IGF2R: variants seen among roughly 807,000 people sequenced by gnomAD.
IGF2R encodes insulin like growth factor 2 receptor.
Under a neutral mutation model 270.6 loss-of-function variants are expected in IGF2R, and 91 were observed. That is an observed-to-expected ratio of 0.34 (90% CI 0.28 to 0.40). The LOEUF (loss-of-function observed/expected upper bound fraction) is 0.40, where lower values mean the gene tolerates loss of function less well. IGF2R is among the 10% of genes least tolerant of loss of function. The pLI is 1.00. For synonymous variants in IGF2R, 1,316 were observed against 1,258.9 expected, an observed-to-expected ratio of 1.05 and a Z score of -0.96; for missense variants, 2,805 against 3,188.3, an observed-to-expected ratio of 0.88 and a Z score of 2.90.
At chr6:160,024,444 T>C in intron 4 of IGF2R, 128 bp from the exon 5 acceptor site, 1 of 869,142 alleles carries the variant, frequency 1.2e-6, no homozygotes, top group Non-Finnish European at 1.8e-6. Context: ...CTGAGTTCGT[T>C]ATTAGGGGAC....
chr6:160,081,698 C>T lies in IGF2R; in HGVS notation c.5833+1423C>T, dbSNP rs536415586. On this transcript the variant is annotated intron_variant, in intron 39 of 47. Transcript: ENST00000356956. ...TTAAGAGGCGCCCCTGCCTTCCTCC[C>T]GGGAATGCATTCTTTTCCCAGGGCT... Among the ~76,000 whole-genome samples, 16 of 152,308 alleles carry T rather than the reference C, an allele frequency of 1.1e-4. No homozygotes were observed. The South Asian group carries it at 1.2e-3, about 12-fold the overall frequency.
chr6:160,065,926 C>T (rs1003017439), intron 29 of IGF2R, among the ~76,000 whole-genome samples: 34 of 148,414 alleles, frequency 2.3e-4, no homozygotes, highest in African/African-American at 8.2e-4. Flanking sequence ...GCAACCTCCT[C>T]CTCCCTGGTT....
At chr6:160,096,156 G>A (rs1257294428) in intron 44 of IGF2R, 1 of 297,376 alleles carries the variant, frequency 3.4e-6, no homozygotes, top group African/African-American at 2.2e-5. Flanking sequence ...ATCCACGGTT[G>A]TGCCTTATTG....
intron 19 of IGF2R, among the ~76,000 whole-genome samples, chr6:160,055,963 G>A (rs1043454563): frequency 1.3e-5 from 2 of 152,098 alleles, no homozygotes; most frequent in East Asian, 1.9e-4. Flanking sequence ...GAAAGAACAT[G>A]CTTCCCCCTA....
intron 31 of IGF2R, among the ~76,000 whole-genome samples, chr6:160,071,180 G>A (rs1778720040): frequency 6.6e-6 from 1 of 151,302 alleles, no homozygotes; most frequent in African/African-American, 2.4e-5. Context: ...GAAAGGTGAA[G>A]GGTGTGTGGA....
intron 39 of IGF2R, among the ~76,000 whole-genome samples, chr6:160,082,928 C>T (rs1193183335): frequency 1.3e-5 from 2 of 152,186 alleles, no homozygotes; most frequent in African/African-American, 2.4e-5. Context: ...GTGGCCTGCC[C>T]CTCCACACTT....
chr6:160,001,728 T>C (rs1044884779), intron 2 of IGF2R, among the ~76,000 whole-genome samples: 3 of 152,252 alleles, frequency 2.0e-5, no homozygotes, highest in Non-Finnish European at 4.4e-5. Flanking sequence ...AAAAAAATCA[T>C]ACATTAGTTT....
intron 18 of IGF2R, 127 bp downstream of exon 18, chr6:160,048,670 G>T: frequency 1.1e-6 from 1 of 872,330 alleles, no homozygotes; most frequent in South Asian, 1.8e-5. Flanking sequence ...CTCTGAGTAG[G>T]AGTGGGGCCT....
chr6:160,089,070 G>A lies in IGF2R; in HGVS notation c.6321-37G>A, dbSNP rs73598436. 2,812 of 1,596,196 alleles carry A rather than the reference G, an allele frequency of 1.8e-3. 36 individuals carry two copies. In the African/African-American group the frequency reaches 0.031, roughly 18 times the overall value. On this transcript the variant is annotated intron_variant, in intron 42 of 47. Coordinates refer to ENST00000356956, the MANE Select transcript of IGF2R (RefSeq NM_000876.4). ...TTGCAGTCTTCCCTTATGTCTGGCT[G>A]GGGAAGTGACTGTAGCCTGTGCTTC...
rs760594141 is a variant in IGF2R at position 160,096,444 on chromosome 6, G to A, written c.6661G>A (p.Asp2221Asn). Residue 2221 changes from aspartate (D) to asparagine (N), a missense_variant, in exon 45 of 48, where the codon GAT becomes AAT. Physicochemically the swap from Asp to Asn is conservative, Grantham distance 23. This residue lies in a region of IGF2R where 1,851 missense variants were observed against 2,207.2 expected (regional missense o/e 0.84). Transcript: ENST00000356956. ...DKTKYYLQDG[D>N]LDVVFASSSK... is the part of the protein sequence containing the mutation. ...GTGCCCTTCCCGTTTGACAGACGGC[G>A]ATCTCGATGTCGTGTTTGCCTCTTC... is the stretch of plus-strand genomic sequence containing the variant. 7 of 1,609,572 alleles carry A rather than the reference G, an allele frequency of 4.3e-6. No homozygotes were observed. Among genetic ancestry groups the A allele is most frequent in the Admixed American group, 1.7e-5 (1 of 59,632 alleles).
chr6:160,014,812 T>C (rs550249305), intron 4 of IGF2R, among the ~76,000 whole-genome samples: 14 of 152,354 alleles, frequency 9.2e-5, no homozygotes, highest in African/African-American at 3.1e-4. Flanking sequence ...AACCCAATTA[T>C]AGTCTGTGGC....
intron 3 of IGF2R, 112 bp downstream of exon 3, chr6:160,009,246 CAAAT>C: frequency 2.3e-6 from 2 of 886,432 alleles, no homozygotes; most frequent in Non-Finnish European, 3.3e-6. Flanking sequence ...CTTAGAAACA[CAAAT>C]AAGAAAAACC....
chr6:160,073,807 T>C lies in IGF2R; in HGVS notation c.4998T>C (p.Leu1666=), dbSNP rs2115276320. The change falls in exon 35 of 48, where the codon CTT becomes CTC. Residue 1666 remains leucine (L), a synonymous_variant. Coordinates refer to ENST00000356956, the MANE Select transcript of IGF2R (RefSeq NM_000876.4). ...NGSSIVDLSP[L]IHRTGGYEAY... The stretch of plus-strand genomic sequence containing the variant: ...GCTCTATTGTTGACTTGTCTCCCCT[T>C]ATTCATCGCACTGGTGGTTATGAGG... 6.2e-7 allele frequency: 1 copy of C among 1,614,220 alleles called. No individual in the cohort carries two copies. Among genetic ancestry groups the C allele is most frequent in the Non-Finnish European group, 8.5e-7 (1 of 1,180,028 alleles).
intron 4 of IGF2R, among the ~76,000 whole-genome samples, chr6:160,016,962 C>T (rs1482583026): frequency 6.6e-6 from 1 of 152,138 alleles, no homozygotes; most frequent in Non-Finnish European, 1.5e-5. Context: ...TATGAAAAAG[C>T]AGGGTGTTAT....
At chr6:160,060,148 A>G (rs1271659121) in intron 22 of IGF2R, among the ~76,000 whole-genome samples, 1 of 151,980 alleles carries the variant, frequency 6.6e-6, no homozygotes, top group Non-Finnish European at 1.5e-5. Context: ...TAAACCTGTC[A>G]TCACATAGGC....
chr6:160,042,799 C>T (rs997391281), intron 11 of IGF2R, among the ~76,000 whole-genome samples: 4 of 152,186 alleles, frequency 2.6e-5, no homozygotes, highest in Admixed American at 1.3e-4. Context: ...CACTCTACTG[C>T]GTCCCAAGAC....
intron 19 of IGF2R, among the ~76,000 whole-genome samples, chr6:160,056,141 C>G (rs1778312000): frequency 6.6e-6 from 1 of 152,122 alleles, no homozygotes; most frequent in African/African-American, 2.4e-5. Context: ...TTTTCAGAAC[C>G]TTGAGCTCAG....
intron 1 of IGF2R, 32 bp downstream of exon 1, chr6:159,969,427 C>G (rs1297551915): frequency 1.7e-6 from 2 of 1,200,038 alleles, no homozygotes; most frequent in African/African-American, 1.6e-5. Flanking sequence ...AGGCTCCGCT[C>G]GCGGTGCCCG....
chr6:160,099,812 C>G (rs1466347550), intron 45 of IGF2R, among the ~76,000 whole-genome samples: 2 of 152,170 alleles, frequency 1.3e-5, no homozygotes, highest in Non-Finnish European at 2.9e-5. Context: ...GGTGTCTAAG[C>G]TGAGAGGGGT....
Sources: gnomAD v4.1 joint callset for allele counts (sites outside exome capture counted in the v4.1 genomes callset) on GRCh38, gnomAD v4.1.1 for gene constraint, gnomAD v4.1.1 regional missense constraint, MANE v1.5 for transcripts, NCBI Gene and HGNC (gene_info 2026-07-23, HGNC 2026-07-21) for gene names.